TXNDC15: variants seen among roughly 807,000 people sequenced by gnomAD.
TXNDC15 encodes the protein thioredoxin domain-containing protein 15.
In TXNDC15, 24 loss-of-function variants were observed where a neutral mutation model predicts 35.0. The observed-to-expected ratio is 0.68, with a 90% CI of 0.50 to 0.96. The LOEUF (loss-of-function observed/expected upper bound fraction) is 0.96. Among genes scored for constraint, TXNDC15 ranks in the 40% least tolerant of loss-of-function variants. The probability of loss-of-function intolerance (pLI) is 0.00; values close to 1 mark genes in which losing one functional copy is unlikely to be tolerated. For synonymous variants in TXNDC15, 169 were observed against 174.0 expected (o/e 0.97, Z 0.23); for missense variants, 385 against 453.3 (o/e 0.85, Z 1.37).
chr5:134,875,040 C>T (rs764588275), intron 1 of TXNDC15: 4 of 427,346 alleles, frequency 9.4e-6, no homozygotes, highest in Non-Finnish European at 1.9e-5. Context: ...GCTTCTGATA[C>T]GTGGCAGAAG....
intron 4 of TXNDC15, among the ~76,000 whole-genome samples, chr5:134,899,267 A>G (rs1416783348): frequency 1.3e-5 from 2 of 152,200 alleles, no homozygotes; most frequent in African/African-American, 4.8e-5. Flanking sequence ...TTAGTTGTGA[A>G]CAGCTGAATG....
intron 1 of TXNDC15, among the ~76,000 whole-genome samples, chr5:134,880,811 C>G (rs2150184450): frequency 6.6e-6 from 1 of 152,020 alleles, no homozygotes; most frequent in East Asian, 1.9e-4. Context: ...AGTGAGAAAC[C>G]TGTTGTTATC....
At chr5:134,883,192 C>T (rs1750195108) in intron 1 of TXNDC15, among the ~76,000 whole-genome samples, 2 of 150,826 alleles carry the variant, frequency 1.3e-5, no homozygotes, top group Admixed American at 6.6e-5. Flanking sequence ...TTTGGGAGGC[C>T]AAGGTGGGTG....
At chr5:134,894,609 C>G (rs1750453329) in intron 3 of TXNDC15, among the ~76,000 whole-genome samples, 1 of 152,126 alleles carries the variant, frequency 6.6e-6, no homozygotes, top group East Asian at 1.9e-4. Flanking sequence ...GATCTACCAG[C>G]CTCGGCCTCC....
chr5:134,893,756 T>C (rs987670953), intron 3 of TXNDC15, 101 bp downstream of exon 3: 2 of 1,475,332 alleles, frequency 1.4e-6, no homozygotes, highest in East Asian at 2.3e-5. Flanking sequence ...AGGGGGGGCA[T>C]GAACTGTGTC....
intron 1 of TXNDC15, among the ~76,000 whole-genome samples, chr5:134,877,485 C>T (rs903153819): frequency 4.6e-5 from 7 of 152,258 alleles, no homozygotes; most frequent in Non-Finnish European, 1.0e-4. Context: ...GCAGGCTGAC[C>T]AGGGAGACCA....
rs1192667576 is a variant in TXNDC15 at position 134,887,998 on chromosome 5, C to T, written c.407C>T (p.Ala136Val). ...GAGAGCCTTTTCTCTCTGGATGGCG[C>T]TGGAGCACACTTCCCTGACAGAGAA... Reference protein sequence around the residue: ...VRESLFSLDGAGAHFPDREEE... With the variant: ...VRESLFSLDGVGAHFPDREEE... The change falls in exon 2 of 5, where the codon GCT becomes GTT. Residue 136 changes from alanine (A) to valine (V), a missense_variant. Ala to Val is a moderately conservative substitution (Grantham distance 64). Coordinates refer to ENST00000358387, the MANE Select transcript of TXNDC15 (RefSeq NM_024715.4). 2 of 1,614,072 alleles carry T rather than the reference C, an allele frequency of 1.2e-6. No individual in the cohort carries two copies. Among genetic ancestry groups the T allele is most frequent in the African/African-American group, 2.7e-5 (2 of 74,932 alleles).
chr5:134,893,692 G>A (rs762540704), intron 3 of TXNDC15, 37 bp downstream of exon 3: 1 of 1,612,230 alleles, frequency 6.2e-7, no homozygotes, highest in South Asian at 1.1e-5. Context: ...CCATCCTCCT[G>A]GCTGATGGTT....
rs1750313189 is a variant in TXNDC15, at chr5:134,888,030, T to G, written c.439T>G (p.Tyr147Asp). Reference sequence around the variant, plus strand: ...ACACTTCCCTGACAGAGAAGAGGAGTATTACACAGAGCCAGAAGTGGCGGA... The same window carrying G: ...ACACTTCCCTGACAGAGAAGAGGAGGATTACACAGAGCCAGAAGTGGCGGA... ...GAHFPDREEEYYTEPEVAESD... is the reference protein window; with the variant it reads ...GAHFPDREEEDYTEPEVAESD... The change falls in exon 2 of 5, where the codon TAT becomes GAT. Residue 147 changes from tyrosine (Y) to aspartate (D), a missense_variant. Tyr to Asp is a radical substitution (Grantham distance 160, BLOSUM62 -3). Transcript: ENST00000358387. 3.7e-6 allele frequency: 6 copies of G among 1,613,964 alleles called. No individual in the cohort carries two copies. The East Asian group carries it at 1.3e-4, about 36-fold the overall frequency.
At chr5:134,898,146 T>A (rs1750532160) in intron 4 of TXNDC15, among the ~76,000 whole-genome samples, 1 of 152,248 alleles carries the variant, frequency 6.6e-6, no homozygotes, top group Non-Finnish European at 1.5e-5. Flanking sequence ...TGTTTTGGAC[T>A]TCATATTAAT....
rs767850744 is a variant in TXNDC15, at chr5:134,899,926, G to A, written c.*241G>A. ...CTATTCTTGTTTTTACTGCATGAAC[G>A]TAATCCAGTATTTGGAAAGTAATCC... On this transcript the variant is annotated 3_prime_UTR_variant, in exon 5 of 5. Coordinates refer to ENST00000358387, the MANE Select transcript of TXNDC15 (RefSeq NM_024715.4). The A allele has an allele frequency of 1.3e-5, 5 of 391,426 alleles. No homozygotes were observed. The highest frequency in any genetic ancestry group is 4.2e-5 in the African/African-American group (2 of 47,740). The allele number at this position is 391,426 out of a possible 1,614,324, so 24.2% of individuals were successfully genotyped here.
intron 1 of TXNDC15, among the ~76,000 whole-genome samples, chr5:134,880,968 A>G (rs940643555): frequency 1.3e-5 from 2 of 151,816 alleles, no homozygotes; most frequent in African/African-American, 4.8e-5. Flanking sequence ...TCTTAGATCT[A>G]TGGATTTATA....
intron 1 of TXNDC15, among the ~76,000 whole-genome samples, chr5:134,876,732 G>GTTT (rs532547885): frequency 4.6e-5 from 6 of 131,022 alleles, no homozygotes; most frequent in Admixed American, 7.6e-5. Flanking sequence ...AATCTGAGGT[G>GTTT]TTTTTTTTTT....
chr5:134,896,717 C>T (rs1561901951), intron 4 of TXNDC15, among the ~76,000 whole-genome samples: 1 of 145,154 alleles, frequency 6.9e-6, no homozygotes, highest in African/African-American at 2.6e-5. Context: ...GATCTTGGCT[C>T]ACTGCAACCT....
At chr5:134,878,690 C>T (rs952057276) in intron 1 of TXNDC15, among the ~76,000 whole-genome samples, 1 of 152,236 alleles carries the variant, frequency 6.6e-6, no homozygotes, top group Non-Finnish European at 1.5e-5. Flanking sequence ...ATAGCTCAAA[C>T]TGCAGTCTCT....
intron 1 of TXNDC15, among the ~76,000 whole-genome samples, chr5:134,883,864 G>A (rs1208659486): frequency 4.0e-5 from 6 of 149,780 alleles, no homozygotes; most frequent in African/African-American, 1.2e-4. Context: ...GCAGTGAGCC[G>A]AGATGGTGCC....
At chr5:134,896,155 C>A in intron 3 of TXNDC15, 139 bp from the exon 4 acceptor site, 1 of 1,057,340 alleles carries the variant, frequency 9.5e-7, no homozygotes. Flanking sequence ...ATGAAAAAGC[C>A]AAAAGTTTCA....
intron 1 of TXNDC15, among the ~76,000 whole-genome samples, chr5:134,883,587 C>CAAAAAAAAAAAAAAAAAAAAAAAAAA (rs60114636): frequency 6.1e-5 from 4 of 65,358 alleles, no homozygotes; most frequent in African/African-American, 3.0e-4. Context: ...GACCCTGTCT[C>CAAAAAAAAAAAAAAAAAAAAAAAAAA]AAAAAAAAAA....
At chr5:134,874,333 C>G (rs1749982424), upstream of TXNDC15, 8 of 1,075,936 alleles carry the variant, frequency 7.4e-6, no homozygotes, top group Middle Eastern at 3.1e-4. Flanking sequence ...CGGCGCGGGG[C>G]CGCGCCCGCG....
Sources: allele counts gnomAD v4.1 joint callset (sites outside exome capture counted in the v4.1 genomes callset), GRCh38; gene constraint gnomAD v4.1.1; transcripts MANE v1.5; gene names NCBI Gene and HGNC (gene_info 2026-07-23, HGNC 2026-07-21).